Variants in KDM5A observed in about 807,000 individuals in gnomAD.
The protein encoded by KDM5A is lysine-specific demethylase 5A.
Under a neutral mutation model 193.5 loss-of-function variants are expected in KDM5A, and 42 were observed. The observed-to-expected ratio is 0.22, with a 90% CI of 0.17 to 0.28. KDM5A has a LOEUF of 0.28. Among genes scored for constraint, KDM5A ranks in the 10% least tolerant of loss-of-function variants. The pLI is 1.00. For synonymous variants in KDM5A, 796 were observed against 718.1 expected (o/e 1.11, Z -1.73); for missense variants, 1,692 against 2,055.1 (o/e 0.82, Z 3.42).
chr12:370,344 T>C (rs1463130160), intron 3 of KDM5A, among the ~76,000 whole-genome samples: 3 of 152,160 alleles, frequency 2.0e-5, no homozygotes, highest in African/African-American at 7.2e-5. Context: ...AGGGAGCTGG[T>C]TTCATGCCAC....
Position 384,046 on chromosome 12 carries a change from C to T in KDM5A, c.351G>A (p.Leu117=), listed in dbSNP as rs759810566. The T allele has an allele frequency of 1.2e-6, 2 of 1,613,852 alleles. No individual in the cohort carries two copies. Among genetic ancestry groups the T allele is most frequent in the East Asian group, 2.2e-5 (1 of 44,890 alleles). ...IPVVERKILD[L]YALSKIVASK... is the part of the protein sequence containing the mutation. The stretch of plus-strand genomic sequence containing the variant: ...TGAGCCTCACCTTGCTCAAAGCATA[C>T]AGATCCAGGATTTTTCTCTCTACCA... Residue 117 remains leucine, a synonymous_variant, in exon 3 of 28, where the codon CTG becomes CTA. Coordinates refer to ENST00000399788, the MANE Select transcript of KDM5A (RefSeq NM_001042603.3).
rs2137456484 is a variant in KDM5A, at chr12:355,223, T to C, written c.805A>G (p.Thr269Ala). Residue 269 changes from threonine (T) to alanine (A), a missense_variant, in exon 7 of 28, where the codon ACC becomes GCC. This residue lies in a region of KDM5A where 134 missense variants were observed against 124.2 expected (regional missense o/e 1.08). Transcript: ENST00000399788. ...ATGTTAAATGCGTCTGACCTGTTGG[T>C]AACTTTTCGTCTTCGGGTGACCTCA... ...EDEVTRRRKV[T>A]NRSDAFNMQM... The C allele has an allele frequency of 1.2e-6, 2 of 1,612,182 alleles. No homozygotes were observed. Among genetic ancestry groups the C allele is most frequent in the Non-Finnish European group, 1.7e-6 (2 of 1,178,174 alleles).
At position 285,446 on chromosome 12, in the gene KDM5A, C is replaced by A. The variant is rs200999218; in HGVS notation, c.*10G>T. 3.0e-5 allele frequency: 49 copies of A among 1,612,630 alleles called. No homozygotes were observed. The highest frequency in any genetic ancestry group is 3.8e-5 in the Non-Finnish European group (45 of 1,178,892). On this transcript the variant is annotated 3_prime_UTR_variant, in exon 28 of 28. Transcript: ENST00000399788. ...ATGTCCCCCCATGTCCCAAACTAAC[C>A]AAGCATCTGCTAACTGGTCTCTTTA...
intron 21 of KDM5A, 38 bp downstream of exon 21, chr12:310,847 A>C: frequency 6.2e-7 from 1 of 1,602,280 alleles, no homozygotes; most frequent in Non-Finnish European, 8.6e-7. Context: ...TACTACTTAA[A>C]TTATCAGCTG....
intron 3 of KDM5A, among the ~76,000 whole-genome samples, chr12:382,632 CAA>C (rs1161824330): frequency 6.6e-6 from 1 of 151,810 alleles, no homozygotes; most frequent in African/African-American, 2.4e-5. Flanking sequence ...ATTGTAGTAA[CAA>C]AACATATTTT....
chr12:298,256 ACCTC>A (rs1331810755), intron 24 of KDM5A, among the ~76,000 whole-genome samples: 1 of 152,024 alleles, frequency 6.6e-6, no homozygotes, highest in African/African-American at 2.4e-5. Context: ...ACGGGGAGAC[ACCTC>A]CCAGCAGGGG....
intron 27 of KDM5A, among the ~76,000 whole-genome samples, chr12:286,654 T>C (rs1353891999): frequency 6.6e-6 from 1 of 152,162 alleles, no homozygotes; most frequent in East Asian, 1.9e-4. Flanking sequence ...AGTACCTCTA[T>C]ACAACTTAAG....
chr12:298,360 A>G (rs1943399722), intron 24 of KDM5A, among the ~76,000 whole-genome samples: 1 of 152,226 alleles, frequency 6.6e-6, no homozygotes, highest in Non-Finnish European at 1.5e-5. Flanking sequence ...ACAAGCAGCA[A>G]TCTTTGCTGT....
At position 344,581 on chromosome 12, in the gene KDM5A, T is replaced by C. The variant is rs1944046969; in HGVS notation, c.1308+6040A>G. Among the ~76,000 whole-genome samples, 3 of 152,284 alleles carry C rather than the reference T, an allele frequency of 2.0e-5. No individual in the cohort carries two copies. In the South Asian group the frequency reaches 6.2e-4, roughly 32 times the overall value. On this transcript the variant is annotated intron_variant, in intron 10 of 27. Transcript: ENST00000399788. ...ACAGCGGATCTCTCGGCAGAAACCC[T>C]ACAAGCCAGAAGAGAGTGGGGGCCA...
At chr12:344,560 C>A (rs957507198) in intron 10 of KDM5A, among the ~76,000 whole-genome samples, 2 of 152,176 alleles carry the variant, frequency 1.3e-5, no homozygotes, top group African/African-American at 4.8e-5. Flanking sequence ...AGACTAACAG[C>A]GGATCTCTCG....
At chr12:342,609 G>A (rs542623378) in intron 10 of KDM5A, among the ~76,000 whole-genome samples, 6 of 151,928 alleles carry the variant, frequency 3.9e-5, no homozygotes, top group African/African-American at 7.2e-5. Context: ...ACAGGCAAGC[G>A]CCACCACGCC....
chr12:388,655 TAAC>T, intron 1 of KDM5A: 1 of 545,646 alleles, frequency 1.8e-6, no homozygotes, highest in Non-Finnish European at 3.3e-6. Flanking sequence ...CCATATCGGC[TAAC>T]GAAAGGCTTT....
Position 311,043 on chromosome 12 carries a change from A to G in KDM5A, c.3058T>C (p.Leu1020=). 6.2e-7 allele frequency: 1 copy of G among 1,614,190 alleles called. No individual in the cohort carries two copies. Among genetic ancestry groups the G allele is most frequent in the Non-Finnish European group, 8.5e-7 (1 of 1,180,020 alleles). The change falls in exon 21 of 28, where the codon TTG becomes CTG. Residue 1020 remains leucine (L), a synonymous_variant. Transcript: ENST00000399788. Reference sequence around the variant, plus strand: ...GCAGACAAGCTCTCAAGCTGCTCCAAATAAGCGTAATTGCTGCCACTCTGA... The same window carrying G: ...GCAGACAAGCTCTCAAGCTGCTCCAGATAAGCGTAATTGCTGCCACTCTGA... The part of the protein sequence containing the change: ...AIQSGSNYAY[L]EQLESLSAKG...
intron 24 of KDM5A, among the ~76,000 whole-genome samples, chr12:298,471 GA>G (rs1943401292): frequency 6.6e-6 from 1 of 152,182 alleles, no homozygotes; most frequent in Admixed American, 6.5e-5. Flanking sequence ...CTGTTTGAAG[GA>G]AAACTAACAA....
chr12:310,841 AC>A (rs1369353864), intron 21 of KDM5A, 43 bp downstream of exon 21: 10 of 1,580,644 alleles, frequency 6.3e-6, no homozygotes, highest in Non-Finnish European at 8.7e-6. Flanking sequence ...TACTATTACT[AC>A]TTAAATTATC....
At chr12:362,726 GAAC>G (rs1460136953) in intron 5 of KDM5A, among the ~76,000 whole-genome samples, 1 of 152,246 alleles carries the variant, frequency 6.6e-6, no homozygotes, top group East Asian at 1.9e-4. Flanking sequence ...AAGGTTTAAA[GAAC>G]AACAGTATAT....
At position 384,076 on chromosome 12, in the gene KDM5A, G is replaced by A. The variant is rs1337891219; in HGVS notation, c.321C>T (p.Ile107=). 1.2e-6 allele frequency: 2 copies of A among 1,613,276 alleles called. No homozygotes were observed. Among genetic ancestry groups the A allele is most frequent in the African/African-American group, 1.3e-5 (1 of 75,020 alleles). Residue 107 remains isoleucine, a synonymous_variant, in exon 3 of 28, where the codon ATC becomes ATT. Coordinates refer to ENST00000399788, the MANE Select transcript of KDM5A (RefSeq NM_001042603.3). The part of the protein sequence containing the change: ...FWELQGSTLK[I]PVVERKILDL... The stretch of plus-strand genomic sequence containing the variant: ...CCAGGATTTTTCTCTCTACCACAGG[G>A]ATCTTCAGAGTAGATCCTTGAAGTT...
rs553110062 is a variant in KDM5A at position 304,501 on chromosome 12, G to A, written c.4074+2445C>T. 6.9e-4 allele frequency among the ~76,000 whole-genome samples: 103 copies of A among 148,724 alleles called. 1 individual carries two copies. The highest frequency in any genetic ancestry group is 4.5e-3 in the Admixed American group (66 of 14,822). On this transcript the variant is annotated intron_variant, in intron 24 of 27. Transcript: ENST00000399788. ...ATATCAACATCAAAGTAAATTGGCA[G>A]GGGTATATAGCTCAGTGGTAGAGCA...
Position 350,786 on chromosome 12 carries a change from A to AG in KDM5A, c.1150-8dup, listed in dbSNP as rs780693721. 4 of 1,613,198 alleles carry AG rather than the reference A, an allele frequency of 2.5e-6. No individual in the cohort carries two copies. Among genetic ancestry groups the AG allele is most frequent in the South Asian group, 1.1e-5 (1 of 91,064 alleles). Reference sequence around the variant, plus strand: ...CTAGTTCTGTGGGAACCATCTACACAGGGAAAAAAAAGATGACAAATTATT... The same window carrying AG: ...CTAGTTCTGTGGGAACCATCTACACAGGGGAAAAAAAAGATGACAAATTATT... On this transcript the variant is annotated splice_region_variant and splice_polypyrimidine_tract_variant and intron_variant, in intron 9 of 27. Transcript: ENST00000399788.
Sources: gnomAD v4.1 joint callset for allele counts (sites outside exome capture counted in the v4.1 genomes callset) on GRCh38, gnomAD v4.1.1 for gene constraint, gnomAD v4.1.1 regional missense constraint, MANE v1.5 for transcripts, NCBI Gene and HGNC (gene_info 2026-07-23, HGNC 2026-07-21) for gene names.